The following DGCR2 variants were observed in gnomAD, a reference collection of about 807,000 sequenced individuals.
DGCR2 encodes DiGeorge syndrome critical region gene 2.
In DGCR2, 24 loss-of-function variants were observed where a neutral mutation model predicts 51.6. The ratio of observed to expected loss-of-function variants is 0.47; its 90% CI spans 0.34 to 0.65. The LOEUF (loss-of-function observed/expected upper bound fraction) is 0.65. Ranked by LOEUF, DGCR2 falls within the 30% of genes least tolerant of loss-of-function variation. The pLI, the probability that DGCR2 is intolerant of heterozygous loss-of-function variation, is 0.01. For missense variants in DGCR2, 765 were observed against 772.1 expected (o/e 0.99, Z 0.11); for synonymous variants, 340 against 315.4 (o/e 1.08, Z -0.82).
At chr22:19,101,852 C>T (rs2083206160) in intron 1 of DGCR2, among the ~76,000 whole-genome samples, 4 of 151,582 alleles carry the variant, frequency 2.6e-5, no homozygotes, top group Admixed American at 1.3e-4. Context: ...GCCAGGAGCT[C>T]AAGGTCAGCC....
chr22:19,040,432 C>T (rs776716282), intron 9 of DGCR2, among the ~76,000 whole-genome samples: 46 of 152,174 alleles, frequency 3.0e-4, no homozygotes, highest in Non-Finnish European at 5.7e-4. Context: ...TGTTAGGGGG[C>T]CTAATGCACA....
intron 2 of DGCR2, among the ~76,000 whole-genome samples, chr22:19,083,389 C>T (rs940700422): frequency 3.3e-5 from 5 of 152,250 alleles, no homozygotes; most frequent in Non-Finnish European, 7.4e-5. Flanking sequence ...GCAAGTGCTC[C>T]CTCCTCATTC....
chr22:19,092,113 G>C (rs2083085181), intron 1 of DGCR2, among the ~76,000 whole-genome samples: 1 of 151,414 alleles, frequency 6.6e-6, no homozygotes, highest in Admixed American at 6.6e-5. Context: ...TTTGGGAGAT[G>C]ATCCAGCAGA....
In DGCR2 at chr22:19,037,875, G is replaced by GT. The variant is rs1378833356; in HGVS notation, c.*989dup. 2 of 152,584 alleles carry GT rather than the reference G, an allele frequency of 1.3e-5. No individual in the cohort carries two copies. The highest frequency in any genetic ancestry group is 2.9e-5 in the Non-Finnish European group (2 of 68,122). 9.5% of individuals were successfully genotyped at this position (152,584 alleles called of 1,614,324 possible). On this transcript the variant is annotated 3_prime_UTR_variant, in exon 10 of 10. Transcript: ENST00000263196. ...ACTGAGCTGCAGTAGTGGCGGTGAT[G>GT]TAAGGAGTGGACTTTAAGGAGATAG...
rs1352107891 is a variant in DGCR2, at chr22:19,112,700, T to C, written c.79+9428A>G. Among the ~76,000 whole-genome samples the C allele has an allele frequency of 1.4e-5, 2 of 143,868 alleles. 1 individual carries two copies. The highest frequency in any genetic ancestry group is 3.1e-5 in the Non-Finnish European group (2 of 64,802). The allele number at this position is 143,868 out of a possible 152,430, so 94.4% of individuals were successfully genotyped here. ...ATCCACCCACCTCAGCCTCCCAAAG[T>C]GCTGGAATTTCAGGTGTGAACCACC... On this transcript the variant is annotated intron_variant, in intron 1 of 9. Coordinates refer to ENST00000263196, the MANE Select transcript of DGCR2 (RefSeq NM_005137.3).
chr22:19,041,898 G>A lies in DGCR2; in HGVS notation c.1068C>T (p.Ser356=), dbSNP rs765993878. Residue 356 remains serine (S), a synonymous_variant, in exon 8 of 10, where the codon TCC becomes TCT. Coordinates refer to ENST00000263196, the MANE Select transcript of DGCR2 (RefSeq NM_005137.3). ...SGMRLVVSCI[S]SFLILSLLLF... ...GCAGCAGTGACAGGATGAGGAAGGA[G>A]GAGATGCAGCTGACGACCAGGCGCA... The A allele has an allele frequency of 6.8e-6, 11 of 1,613,600 alleles. No individual in the cohort carries two copies. The highest frequency in any genetic ancestry group is 2.2e-5 in the South Asian group (2 of 91,074).
intron 6 of DGCR2, among the ~76,000 whole-genome samples, chr22:19,055,213 A>G (rs1311036900): frequency 6.6e-6 from 1 of 152,146 alleles, no homozygotes; most frequent in Non-Finnish European, 1.5e-5. Context: ...ATGGTTTAAC[A>G]TAAGAAAATC....
chr22:19,051,965 A>T (rs532391539), intron 6 of DGCR2, among the ~76,000 whole-genome samples: 1 of 152,320 alleles, frequency 6.6e-6, no homozygotes, highest in East Asian at 1.9e-4. Context: ...TGGAGAAATT[A>T]AATCACTCCT....
intron 5 of DGCR2, among the ~76,000 whole-genome samples, chr22:19,062,652 G>T (rs903335868): frequency 6.6e-6 from 1 of 152,024 alleles, no homozygotes; most frequent in African/African-American, 2.4e-5. Flanking sequence ...CAATGGGACA[G>T]GAAGGGCAAG....
intron 1 of DGCR2, among the ~76,000 whole-genome samples, chr22:19,105,040 G>A (rs2083247095): frequency 6.6e-6 from 1 of 152,196 alleles, no homozygotes; most frequent in Non-Finnish European, 1.5e-5. Flanking sequence ...AAGGGACAGA[G>A]GGCCGGGCAC....
At chr22:19,098,944 C>G (rs967365694) in intron 1 of DGCR2, among the ~76,000 whole-genome samples, 1 of 152,150 alleles carries the variant, frequency 6.6e-6, no homozygotes, top group East Asian at 1.9e-4. Flanking sequence ...CAACACCCCA[C>G]ACATGGAGGC....
At chr22:19,070,012 C>T (rs977563234) in intron 2 of DGCR2, among the ~76,000 whole-genome samples, 1 of 152,172 alleles carries the variant, frequency 6.6e-6, no homozygotes, top group Non-Finnish European at 1.5e-5. Flanking sequence ...CCCCAAAATA[C>T]AACCTAAGGA....
intron 1 of DGCR2, among the ~76,000 whole-genome samples, chr22:19,100,664 TAAAA>T (rs34517547): frequency 6.9e-6 from 1 of 144,760 alleles, no homozygotes; most frequent in African/African-American, 2.5e-5. Context: ...AGACTCCGTT[TAAAA>T]AAAAAAAAAA....
At chr22:19,112,234 C>T (rs2083324116) in intron 1 of DGCR2, among the ~76,000 whole-genome samples, 2 of 149,070 alleles carry the variant, frequency 1.3e-5, no homozygotes, top group African/African-American at 5.0e-5. Flanking sequence ...GGTCGCACCA[C>T]TGCACTCCAG....
rs1368970172 is a variant in DGCR2, at chr22:19,039,022, G to A, written c.1496C>T (p.Thr499Ile). 5 of 1,612,884 alleles carry A rather than the reference G, an allele frequency of 3.1e-6. No homozygotes were observed. The highest frequency in any genetic ancestry group is 4.2e-6 in the Non-Finnish European group (5 of 1,179,828). Residue 499 changes from threonine to isoleucine, a missense_variant, in exon 10 of 10, where the codon ACT becomes ATT. Physicochemically the swap from Thr to Ile is moderately conservative, Grantham distance 89 (BLOSUM62 -1). Around this residue, in one of 3 missense-constraint regions of DGCR2, gnomAD observed 205 missense variants for 181.4 expected, o/e 1.13. Transcript: ENST00000263196. ...CAGGTCTGCCAGAGAGGCCCCCGCA[G>A]TGGGCAGAGGCTGCTCCAGGCGCCG... ...LLRRLEQPLP[T>I]AGASLADLED...
At chr22:19,071,492 AG>A (rs1358291027) in intron 2 of DGCR2, among the ~76,000 whole-genome samples, 2 of 152,226 alleles carry the variant, frequency 1.3e-5, no homozygotes, top group Non-Finnish European at 2.9e-5. Context: ...AAAAAAAAAA[AG>A]TCTCACCTGA....
intron 2 of DGCR2, among the ~76,000 whole-genome samples, chr22:19,068,967 C>T (rs2082782474): frequency 6.6e-6 from 1 of 152,278 alleles, no homozygotes; most frequent in Non-Finnish European, 1.5e-5. Flanking sequence ...AGGAGAACCA[C>T]ACTCCTCCCA....
chr22:19,073,531 C>T (rs113699833), intron 2 of DGCR2, among the ~76,000 whole-genome samples: 2,441 of 152,248 alleles, frequency 0.016, 72 homozygotes, highest in African/African-American at 0.056. Context: ...GATGAAAAGA[C>T]CCACTGAGGA....
chr22:19,096,673 A>G (rs1241514903), intron 1 of DGCR2, among the ~76,000 whole-genome samples: 1 of 152,164 alleles, frequency 6.6e-6, no homozygotes, highest in Non-Finnish European at 1.5e-5. Context: ...ATACTGAGAA[A>G]GAGTTCATTC....
Sources: gnomAD v4.1 joint callset for allele counts (sites outside exome capture counted in the v4.1 genomes callset) on GRCh38, gnomAD v4.1.1 for gene constraint, gnomAD v4.1.1 regional missense constraint, MANE v1.5 for transcripts, NCBI Gene and HGNC (gene_info 2026-07-23, HGNC 2026-07-21) for gene names.